Variants in ZEB1 observed in about 807,000 individuals in gnomAD.
The protein encoded by ZEB1 is zinc finger E-box binding homeobox 1, also known as zinc finger E-box-binding homeobox 1.
In ZEB1, 21 loss-of-function variants were observed where a neutral mutation model predicts 84.9. The observed-to-expected ratio is 0.25, with a 90% CI of 0.18 to 0.36. ZEB1 has a LOEUF of 0.36. Among genes scored for constraint, ZEB1 ranks in the 10% least tolerant of loss-of-function variants. The pLI, the probability that ZEB1 is intolerant of heterozygous loss-of-function variation, is 1.00. For synonymous variants in ZEB1, 420 were observed against 471.1 expected (o/e 0.89, Z 1.41); for missense variants, 1,104 against 1,330.2 (o/e 0.83, Z 2.65).
At chr10:31,361,184 A>T in intron 1 of ZEB1, 1 of 1,611,926 alleles carries the variant, frequency 6.2e-7, no homozygotes, top group Non-Finnish European at 8.5e-7. Flanking sequence ...CCAAAAGACC[A>T]TCCTGCTCTC....
chr10:31,527,659 ATTC>A lies in ZEB1; in HGVS notation c.*398_*400del, dbSNP rs1326952351. 1.7e-5 allele frequency: 3 copies of A among 177,370 alleles called. No homozygotes were observed. Among genetic ancestry groups the A allele is most frequent in the Admixed American group, 5.4e-5 (1 of 18,402 alleles). 11.0% of individuals were successfully genotyped at this position (177,370 alleles called of 1,614,324 possible). On this transcript the variant is annotated 3_prime_UTR_variant, in exon 9 of 9. Transcript: ENST00000424869. ...AGTATTATCACTCTTATGTTGGTTT[ATTC>A]TTAAGCTGTACAATTGGGAGAAATT...
chr10:31,460,833 TA>T (rs1484978738), intron 1 of ZEB1, among the ~76,000 whole-genome samples: 22 of 152,168 alleles, frequency 1.4e-4, no homozygotes, highest in Non-Finnish European at 2.5e-4. Context: ...AAGTATTCAA[TA>T]AGGGTAGCTA....
chr10:31,479,964 G>A (rs1336168739), intron 2 of ZEB1, among the ~76,000 whole-genome samples: 1 of 151,864 alleles, frequency 6.6e-6, no homozygotes, highest in Non-Finnish European at 1.5e-5. Flanking sequence ...AAGATCTTGT[G>A]GTTCAGCCAA....
At chr10:31,508,497 T>C (rs1312037928) in intron 4 of ZEB1, among the ~76,000 whole-genome samples, 4 of 151,994 alleles carry the variant, frequency 2.6e-5, no homozygotes, top group Non-Finnish European at 4.4e-5. Flanking sequence ...GCTGTAGTGA[T>C]AGTAGCAGGT....
At chr10:31,353,400 G>A (rs2133907032) in intron 1 of ZEB1, among the ~76,000 whole-genome samples, 1 of 152,288 alleles carries the variant, frequency 6.6e-6, no homozygotes, top group Non-Finnish European at 1.5e-5. Context: ...TCTGTCTAAT[G>A]CTAGAATTCT....
At chr10:31,524,243 T>C in intron 8 of ZEB1, 130 bp downstream of exon 8, 1 of 1,009,716 alleles carries the variant, frequency 9.9e-7, no homozygotes, top group South Asian at 1.6e-5. Context: ...AAGGTCTGGC[T>C]CTAGTCACCC....
chr10:31,363,207 C>T (rs760142566), intron 1 of ZEB1: 1 of 1,534,054 alleles, frequency 6.5e-7, no homozygotes, highest in South Asian at 1.2e-5. Context: ...GGTCTTCACC[C>T]AGCACCTTCA....
At chr10:31,514,799 G>A (rs563576927) in intron 6 of ZEB1, 91 bp downstream of exon 6, 2 of 1,049,520 alleles carry the variant, frequency 1.9e-6, no homozygotes, top group South Asian at 1.4e-5. Flanking sequence ...TACATGATCA[G>A]AAACTCCTTG....
intron 1 of ZEB1, among the ~76,000 whole-genome samples, chr10:31,439,245 T>C (rs1341569621): frequency 6.6e-6 from 1 of 152,110 alleles, no homozygotes; most frequent in Non-Finnish European, 1.5e-5. Flanking sequence ...AAACAATATA[T>C]CTTAGATGAC....
chr10:31,410,219 C>T (rs981124703), intron 1 of ZEB1, among the ~76,000 whole-genome samples: 2 of 151,728 alleles, frequency 1.3e-5, no homozygotes, highest in Non-Finnish European at 2.9e-5. Flanking sequence ...TTGGCATGAA[C>T]GGGTGTTGAA....
chr10:31,325,522 A>G (rs2035277634), intron 1 of ZEB1, among the ~76,000 whole-genome samples: 1 of 152,064 alleles, frequency 6.6e-6, no homozygotes, highest in African/African-American at 2.4e-5. Context: ...AGGTTGAGGT[A>G]TGAACTATGT....
intron 2 of ZEB1, among the ~76,000 whole-genome samples, chr10:31,473,070 G>C (rs2063507607): frequency 6.8e-6 from 1 of 147,662 alleles, no homozygotes; most frequent in Admixed American, 6.6e-5. Context: ...AAAATAATAA[G>C]AGCTATCTAT....
intron 1 of ZEB1, among the ~76,000 whole-genome samples, chr10:31,456,059 A>G (rs161274): frequency 6.6e-6 from 1 of 152,194 alleles, no homozygotes; most frequent in Admixed American, 6.5e-5. Flanking sequence ...CATATGCACC[A>G]TGAAATACTA....
intron 1 of ZEB1, among the ~76,000 whole-genome samples, chr10:31,438,015 A>G (rs1045778711): frequency 1.3e-5 from 2 of 152,258 alleles, no homozygotes; most frequent in East Asian, 1.9e-4. Flanking sequence ...GCTGAAAATC[A>G]TGCCAACTCC....
intron 1 of ZEB1, among the ~76,000 whole-genome samples, chr10:31,322,269 T>C (rs2132961681): frequency 6.6e-6 from 1 of 152,376 alleles, no homozygotes; most frequent in East Asian, 1.9e-4. Context: ...TAATATTTCT[T>C]AGCAGTGCAG....
chr10:31,452,510 G>T (rs558151842), intron 1 of ZEB1, among the ~76,000 whole-genome samples: 43 of 152,032 alleles, frequency 2.8e-4, no homozygotes, highest in African/African-American at 1.0e-3. Flanking sequence ...TCCATTTTGT[G>T]TACCTGTTTG....
chr10:31,376,315 T>C (rs1208877434), intron 1 of ZEB1, among the ~76,000 whole-genome samples: 3 of 151,734 alleles, frequency 2.0e-5, no homozygotes, highest in Admixed American at 2.0e-4. Flanking sequence ...TTTAATCCGC[T>C]CATACTCCTC....
chr10:31,483,334 G>A (rs909139866), intron 2 of ZEB1, among the ~76,000 whole-genome samples: 2 of 151,866 alleles, frequency 1.3e-5, no homozygotes, highest in Non-Finnish European at 2.9e-5. Flanking sequence ...GGCTCAGACA[G>A]GTTAAATATC....
At chr10:31,331,230 G>A (rs2036715396) in intron 1 of ZEB1, among the ~76,000 whole-genome samples, 1 of 151,520 alleles carries the variant, frequency 6.6e-6, no homozygotes, top group Non-Finnish European at 1.5e-5. Flanking sequence ...GGGATTACAG[G>A]CGCGTGCCAC....
Sources: allele counts gnomAD v4.1 joint callset (sites outside exome capture counted in the v4.1 genomes callset), GRCh38; gene constraint gnomAD v4.1.1; transcripts MANE v1.5; gene names NCBI Gene and HGNC (gene_info 2026-07-23, HGNC 2026-07-21).